Variants in MRE11 observed in about 807,000 individuals in gnomAD.
MRE11 encodes the protein MRE11 double strand break repair nuclease, also known as double-strand break repair protein MRE11.
A neutral mutation model predicts 91.7 loss-of-function variants in MRE11; 62 were observed. The observed-to-expected ratio is 0.68, with a 90% CI of 0.55 to 0.84. MRE11 has a LOEUF of 0.84. Ranked by LOEUF, MRE11 falls within the 40% of genes least tolerant of loss-of-function variation. The pLI is 0.00. For synonymous variants in MRE11, 273 were observed against 271.4 expected, an observed-to-expected ratio of 1.01 and a Z score of -0.06; for missense variants, 796 against 852.9, an observed-to-expected ratio of 0.93 and a Z score of 0.83.
intron 11 of MRE11, among the ~76,000 whole-genome samples, chr11:94,461,850 C>T (rs1173489901): frequency 6.6e-6 from 1 of 152,088 alleles, no homozygotes; most frequent in Non-Finnish European, 1.5e-5. Flanking sequence ...CCGAGGTGGG[C>T]GGATCACAAG....
chr11:94,497,025 A>G (rs1327039683), upstream of MRE11: 1 of 1,583,998 alleles, frequency 6.3e-7, no homozygotes, highest in Admixed American at 1.7e-5. Context: ...ACCTGCCTTT[A>G]CTGTTATGGC....
intron 9 of MRE11, among the ~76,000 whole-genome samples, chr11:94,470,264 T>TA (rs1283327206): frequency 6.6e-6 from 1 of 151,968 alleles, no homozygotes; most frequent in African/African-American, 2.4e-5. Context: ...TAATTTTTTT[T>TA]AACATCCAGT....
At chr11:94,463,325 T>A (rs1946471555) in intron 11 of MRE11, among the ~76,000 whole-genome samples, 1 of 152,200 alleles carries the variant, frequency 6.6e-6, no homozygotes, top group Non-Finnish European at 1.5e-5. Context: ...ACTTTTACAC[T>A]GTTGGTGGGA....
chr11:94,416,565 G>T lies in MRE11; in HGVS notation c.*3560C>A, dbSNP rs1292296113. The stretch of plus-strand genomic sequence containing the variant: ...TTAGCTTTAAAAAAACACAAAATAG[G>T]CTGGGCGTGGTGGCTCAGGCCTGTA... On this transcript the variant is annotated 3_prime_UTR_variant, in exon 20 of 20. Coordinates refer to ENST00000323929, the MANE Select transcript of MRE11 (RefSeq NM_005591.4). 6.6e-6 allele frequency: 1 copy of T among 151,768 alleles called. No homozygotes were observed. The highest frequency in any genetic ancestry group is 1.5e-5 in the Non-Finnish European group (1 of 67,978). 9.4% of individuals were successfully genotyped at this position (151,768 alleles called of 1,614,324 possible).
At chr11:94,477,009 C>G (rs936156027) in intron 6 of MRE11, among the ~76,000 whole-genome samples, 2 of 152,218 alleles carry the variant, frequency 1.3e-5, no homozygotes, top group African/African-American at 4.8e-5. Context: ...CGTGTGCCAG[C>G]ACGCCTGGCC....
Position 94,467,703 on chromosome 11 carries a change from T to C in MRE11, c.1098+110A>G. 3.2e-6 allele frequency: 3 copies of C among 926,676 alleles called. No individual in the cohort carries two copies. In the South Asian group the frequency reaches 4.4e-5, roughly 14 times the overall value. The allele number at this position is 926,676 out of a possible 1,614,324, so 57.4% of individuals were successfully genotyped here. A position where few individuals can be genotyped will look rare whatever the true frequency, so the allele number is the denominator to read the frequency against. ...TTTTTGCCTCCGATGGTGATTGCTC[T>C]TCTTATTACTATGAGCACTCTCCTC... On this transcript the variant is annotated intron_variant, in intron 10 of 19. Transcript: ENST00000323929.
At position 94,419,588 on chromosome 11, in the gene MRE11, C is replaced by G. The variant is rs1945116546; in HGVS notation, c.*537G>C. On this transcript the variant is annotated 3_prime_UTR_variant, in exon 20 of 20. Coordinates refer to ENST00000323929, the MANE Select transcript of MRE11 (RefSeq NM_005591.4). The stretch of plus-strand genomic sequence containing the variant: ...TCTTTGCTACAACTGGAATAAAAAA[C>G]TCAGTAATTCTGAAAGGTTATTCTA... The G allele has an allele frequency of 4.3e-6, 1 of 232,666 alleles. No homozygotes were observed. Among genetic ancestry groups the G allele is most frequent in the African/African-American group, 2.2e-5 (1 of 45,214 alleles). The allele number at this position is 232,666 out of a possible 1,614,324, so 14.4% of individuals were successfully genotyped here.
intron 4 of MRE11, 62 bp from the exon 5 acceptor site, chr11:94,479,823 C>A: frequency 1.5e-6 from 2 of 1,338,626 alleles, no homozygotes; most frequent in Non-Finnish European, 2.1e-6. Flanking sequence ...CCCTAAGATT[C>A]TCCTCCAAAA....
intron 11 of MRE11, among the ~76,000 whole-genome samples, chr11:94,463,883 A>G (rs1946487841): frequency 6.6e-6 from 1 of 152,328 alleles, no homozygotes; most frequent in Middle Eastern, 3.4e-3. Context: ...ATACATATGC[A>G]ACAAACCTGC....
intron 1 of MRE11, among the ~76,000 whole-genome samples, chr11:94,493,462 C>A (rs1395263395): frequency 6.6e-6 from 1 of 152,142 alleles, no homozygotes; most frequent in Non-Finnish European, 1.5e-5. Context: ...GGAAGAGTGG[C>A]TGCCACCGCG....
intron 2 of MRE11, among the ~76,000 whole-genome samples, chr11:94,491,962 T>C (rs1947295186): frequency 6.6e-6 from 1 of 152,220 alleles, no homozygotes; most frequent in Non-Finnish European, 1.5e-5. Context: ...TCATGAATTC[T>C]CTCATTTAAG....
the MRE11 span, among the ~76,000 whole-genome samples, chr11:94,502,702 C>T: frequency 4.0e-5 from 6 of 151,896 alleles, no homozygotes; most frequent in South Asian, 1.2e-3. Context: ...TTGAGACAGA[C>T]TCTCACTGTT....
upstream of MRE11, chr11:94,494,146 G>C (rs1314434816): frequency 6.6e-6 from 1 of 152,262 alleles, no homozygotes; most frequent in African/African-American, 2.4e-5. Flanking sequence ...GAGCCCTGCA[G>C]GTCAGGCCGC....
chr11:94,505,469 G>T, the MRE11 span, among the ~76,000 whole-genome samples: 1 of 151,876 alleles, frequency 6.6e-6, no homozygotes, highest in Non-Finnish European at 1.5e-5. Context: ...AATGCATATT[G>T]AAAATACAAA....
Position 94,445,843 on chromosome 11 carries a change from C to G in MRE11, c.1834G>C (p.Val612Leu), listed in dbSNP as rs371719012. 58 of 1,613,616 alleles carry G rather than the reference C, an allele frequency of 3.6e-5. No homozygotes were observed. The highest frequency in any genetic ancestry group is 4.8e-5 in the Non-Finnish European group (57 of 1,179,646). Residue 612 changes from valine (V) to leucine (L), a missense_variant, in exon 16 of 20, where the codon GTG becomes CTG. Coordinates refer to ENST00000323929, the MANE Select transcript of MRE11 (RefSeq NM_005591.4). ...STRSRNSKTA[V>L]SASRNMSIID... ...ATAGACATATTTCTAGATGCTGACACAGCAGTCTTTGAGTTCCTGCTACGG... is the reference window on the plus strand; with the variant it reads ...ATAGACATATTTCTAGATGCTGACAGAGCAGTCTTTGAGTTCCTGCTACGG...
At chr11:94,422,476 A>G (rs973492675) in intron 19 of MRE11, among the ~76,000 whole-genome samples, 2 of 152,198 alleles carry the variant, frequency 1.3e-5, no homozygotes, top group Admixed American at 1.3e-4. Flanking sequence ...TTAAAGTAAT[A>G]TTAAAAGCTC....
Position 94,419,977 on chromosome 11 carries a change from A to G in MRE11, c.*148T>C, listed in dbSNP as rs74405427. 1 of 589,612 alleles carries G rather than the reference A, an allele frequency of 1.7e-6. No homozygotes were observed. Among genetic ancestry groups the G allele is most frequent in the Non-Finnish European group, 2.9e-6 (1 of 339,632 alleles). The allele number at this position is 589,612 out of a possible 1,614,324, so 36.5% of individuals were successfully genotyped here. A position where few individuals can be genotyped will look rare whatever the true frequency, so the allele number is the denominator to read the frequency against. The stretch of plus-strand genomic sequence containing the variant: ...CAGGTTAAAAAAACAAGGTGAATCA[A>G]TGCTATTGTATGTCTGTGAACTAGA... On this transcript the variant is annotated 3_prime_UTR_variant, in exon 20 of 20. Coordinates refer to ENST00000323929, the MANE Select transcript of MRE11 (RefSeq NM_005591.4).
chr11:94,442,013 A>G (rs1366144323), intron 16 of MRE11, among the ~76,000 whole-genome samples: 2 of 151,548 alleles, frequency 1.3e-5, no homozygotes, highest in Non-Finnish European at 2.9e-5. Context: ...GATCAGAAAT[A>G]ATTATTCAGA....
At chr11:94,435,578 A>T (rs941145961) in intron 18 of MRE11, among the ~76,000 whole-genome samples, 2 of 152,130 alleles carry the variant, frequency 1.3e-5, no homozygotes, top group Non-Finnish European at 2.9e-5. Context: ...AATAAATAAA[A>T]AGAAAGAAAA....
Sources: gnomAD v4.1 joint callset for allele counts (sites outside exome capture counted in the v4.1 genomes callset) on GRCh38, gnomAD v4.1.1 for gene constraint, MANE v1.5 for transcripts, NCBI Gene and HGNC (gene_info 2026-07-23, HGNC 2026-07-21) for gene names.